The following PCDHGA4 variants were observed in gnomAD, a reference collection of about 807,000 sequenced individuals.
The protein encoded by PCDHGA4 is protocadherin gamma-A4.
In PCDHGA4, 38 loss-of-function variants were observed where a neutral mutation model predicts 54.6. The observed-to-expected ratio is 0.70, with a 90% CI of 0.54 to 0.91. PCDHGA4 has a LOEUF of 0.91. Among genes scored for constraint, PCDHGA4 ranks in the 40% least tolerant of loss-of-function variants. The pLI is 0.00. For synonymous variants in PCDHGA4, 511 were observed against 512.9 expected (o/e 1.00, Z 0.05); for missense variants, 1,298 against 1,220.9 (o/e 1.06, Z -0.94).
At chr5:141,433,256 C>G (rs760130587) in intron 1 of PCDHGA4, 2 of 1,385,666 alleles carry the variant, frequency 1.4e-6, no homozygotes, top group Non-Finnish European at 2.0e-6. Context: ...TGCAGCGGTA[C>G]GATCATAGCT....
At chr5:141,433,208 CTT>C (rs745329085) in intron 1 of PCDHGA4, 289 of 1,287,502 alleles carry the variant, frequency 2.2e-4, no homozygotes, top group South Asian at 2.8e-4. Context: ...AATCTTCTTT[CTT>C]TTTTTTTTTT....
intron 1 of PCDHGA4, among the ~76,000 whole-genome samples, chr5:141,446,686 C>T (rs574630887): frequency 1.3e-5 from 2 of 152,294 alleles, no homozygotes; most frequent in African/African-American, 4.8e-5. Context: ...CCATATTGGC[C>T]AGGCTGGTCT....
At chr5:141,420,027 C>T in intron 1 of PCDHGA4, 3 of 1,614,082 alleles carry the variant, frequency 1.9e-6, no homozygotes, top group Non-Finnish European at 2.5e-6. Flanking sequence ...AGCCCTACTG[C>T]AGGAGACTGC....
chr5:141,478,409 G>A, intron 1 of PCDHGA4: 1 of 1,613,016 alleles, frequency 6.2e-7, no homozygotes, highest in South Asian at 1.1e-5. Flanking sequence ...TCTCACCACG[G>A]ACTCCCGCCG....
chr5:141,370,355 C>A, intron 1 of PCDHGA4: 3 of 1,508,892 alleles, frequency 2.0e-6, no homozygotes, highest in Non-Finnish European at 1.8e-6. Flanking sequence ...TAAAGATCTC[C>A]TCTCCTCGGA....
At chr5:141,364,715 A>G (rs566972515) in intron 1 of PCDHGA4, 1 of 1,614,010 alleles carries the variant, frequency 6.2e-7, no homozygotes, top group Admixed American at 1.7e-5. Context: ...TATTAATGAT[A>G]ACTTCCCGCG....
chr5:141,381,826 CTTTTTTTTTTT>C (rs770630741), intron 1 of PCDHGA4, among the ~76,000 whole-genome samples: 18 of 74,294 alleles, frequency 2.4e-4, no homozygotes, highest in African/African-American at 9.9e-4. Flanking sequence ...CTTTCTTCTT[CTTTTTTTTTTT>C]TTTTTTTTTT....
chr5:141,387,851 C>T, intron 1 of PCDHGA4: 5 of 1,596,536 alleles, frequency 3.1e-6, no homozygotes, highest in Non-Finnish European at 4.3e-6. Flanking sequence ...CCGGCGTCTC[C>T]AGGCTGGTGA....
At chr5:141,378,996 A>G (rs1477172762) in intron 1 of PCDHGA4, 1 of 152,260 alleles carries the variant, frequency 6.6e-6, no homozygotes, top group Non-Finnish European at 1.5e-5. Context: ...CATTATAGTC[A>G]AGATTTTTCT....
intron 1 of PCDHGA4, chr5:141,428,441 G>C: frequency 2.6e-6 from 1 of 389,280 alleles, no homozygotes; most frequent in Non-Finnish European, 4.9e-6. Context: ...ACTAGACCAG[G>C]GGTTTTTCCC....
At chr5:141,403,774 C>A (rs1350465491) in intron 1 of PCDHGA4, 1 of 1,613,786 alleles carries the variant, frequency 6.2e-7, no homozygotes, top group Non-Finnish European at 8.5e-7. Context: ...AGGGAATCAA[C>A]GGAAAAGTGG....
chr5:141,382,896 G>A (rs754850386), intron 1 of PCDHGA4: 5 of 1,537,678 alleles, frequency 3.3e-6, no homozygotes, highest in Admixed American at 2.1e-5. Context: ...GAAGCAGGAC[G>A]ACTATGGCGG....
At position 141,487,144 on chromosome 5, in the gene PCDHGA4, C is replaced by T. The variant is rs2099640304; in HGVS notation, c.2515-7663C>T. The T allele has an allele frequency of 6.2e-7, 1 of 1,614,032 alleles. No homozygotes were observed. Among genetic ancestry groups the T allele is most frequent in the African/African-American group, 1.3e-5 (1 of 75,056 alleles). On this transcript the variant is annotated intron_variant, in intron 1 of 3. Coordinates refer to ENST00000571252, the MANE Select transcript of PCDHGA4 (RefSeq NM_018917.4). This position sits in a 1 kb window ranked among gnomAD's most constrained non-coding sequence, Gnocchi z 5.0. ...ATAGTGGTAGTCCACCACTCTCTAC[C>T]TCTGTTACTCTCTTAGTGTCCTTAG...
intron 1 of PCDHGA4, among the ~76,000 whole-genome samples, chr5:141,481,782 T>C (rs1348977678): frequency 6.6e-6 from 1 of 152,008 alleles, no homozygotes; most frequent in African/African-American, 2.4e-5. Context: ...TGAAACCCCG[T>C]CTCTACTAAA....
chr5:141,394,748 C>G (rs960054108), intron 1 of PCDHGA4: 7 of 1,613,296 alleles, frequency 4.3e-6, no homozygotes, highest in Non-Finnish European at 5.9e-6. Flanking sequence ...TCGTGGTGGC[C>G]GTCCAGGACC....
At position 141,485,260 on chromosome 5, in the gene PCDHGA4, G is replaced by A. The variant is rs773919574; in HGVS notation, c.2515-9547G>A. On this transcript the variant is annotated intron_variant, in intron 1 of 3. Transcript: ENST00000571252. This position sits in a 1 kb window ranked among gnomAD's most constrained non-coding sequence, Gnocchi z 5.7. ...TTTACCACCTGGGTTACGTTTGTGG[G>A]CAGATCCGCTACCCGGTCCCAGAGG... The A allele has an allele frequency of 8.7e-6, 14 of 1,614,002 alleles. No individual in the cohort carries two copies. In the African/African-American group the frequency reaches 1.5e-4, roughly 17 times the overall value.
intron 1 of PCDHGA4, chr5:141,376,017 C>G: frequency 6.2e-7 from 1 of 1,613,290 alleles, no homozygotes; most frequent in Middle Eastern, 1.7e-4. Flanking sequence ...CTAGTGGTGG[C>G]CGTCCAGGAC....
At chr5:141,365,471 G>C in intron 1 of PCDHGA4, 1 of 1,614,030 alleles carries the variant, frequency 6.2e-7, no homozygotes, top group South Asian at 1.1e-5. Flanking sequence ...AGAAAATGGT[G>C]AGATTGCATG....
chr5:141,404,995 T>G (rs1561697585), intron 1 of PCDHGA4: 1 of 1,614,008 alleles, frequency 6.2e-7, no homozygotes, highest in Non-Finnish European at 8.5e-7. Flanking sequence ...TTCAGATCCC[T>G]GCAGACCTGG....
Sources: gnomAD v4.1 joint callset for allele counts (sites outside exome capture counted in the v4.1 genomes callset) on GRCh38, gnomAD v4.1.1 for gene constraint, Gnocchi (gnomAD v3.1) non-coding constraint, MANE v1.5 for transcripts, NCBI Gene and HGNC (gene_info 2026-07-23, HGNC 2026-07-21) for gene names.